The following MSI2 variants were observed in gnomAD, a reference collection of about 807,000 sequenced individuals.
MSI2 encodes the protein musashi RNA binding protein 2.
A neutral mutation model predicts 45.6 loss-of-function variants in MSI2; 17 were observed. That is an observed-to-expected ratio of 0.37 (90% CI 0.26 to 0.56). The LOEUF (loss-of-function observed/expected upper bound fraction) is 0.56, where lower values mean the gene tolerates loss of function less well. Ranked by LOEUF, MSI2 falls within the 20% of genes least tolerant of loss-of-function variation. MSI2 has a pLI of 0.77. For synonymous variants in MSI2, 156 were observed against 158.2 expected, an observed-to-expected ratio of 0.99 and a Z score of 0.11; for missense variants, 293 against 444.2, an observed-to-expected ratio of 0.66 and a Z score of 3.06.
At chr17:57,662,508 G>T (rs748172757) in intron 11 of MSI2, among the ~76,000 whole-genome samples, 12 of 152,180 alleles carry the variant, frequency 7.9e-5, no homozygotes, top group African/African-American at 2.9e-4. Flanking sequence ...CCATTTTAAA[G>T]ATTTAAAAAC....
At chr17:57,527,271 ACCCAC>A in intron 6 of MSI2, among the ~76,000 whole-genome samples, 1 of 132,302 alleles carries the variant, frequency 7.6e-6, no homozygotes, top group East Asian at 2.4e-4. Flanking sequence ...TCCCCCACCC[ACCCAC>A]CCACACCCCA....
chr17:57,545,513 G>C (rs1044356106), intron 7 of MSI2, among the ~76,000 whole-genome samples: 4 of 151,776 alleles, frequency 2.6e-5, no homozygotes, highest in Non-Finnish European at 5.9e-5. Context: ...GCAGCCGACT[G>C]CCCAAAGATG....
chr17:57,509,683 A>G (rs2086309963), intron 6 of MSI2, among the ~76,000 whole-genome samples: 2 of 152,046 alleles, frequency 1.3e-5, no homozygotes, highest in East Asian at 3.9e-4. Context: ...GGCCTCCCAA[A>G]GTGCTGGGAT....
At chr17:57,288,659 A>T (rs962249576) in intron 5 of MSI2, among the ~76,000 whole-genome samples, 1 of 152,124 alleles carries the variant, frequency 6.6e-6, no homozygotes, top group Non-Finnish European at 1.5e-5. Context: ...TTGGTTTCTA[A>T]TTCCTGCTTG....
intron 5 of MSI2, chr17:57,294,802 T>C (rs1275462936): frequency 1.3e-5 from 2 of 152,354 alleles, no homozygotes; most frequent in African/African-American, 2.4e-5. Flanking sequence ...AATTAGCATT[T>C]AGTAATGTGG....
chr17:57,497,259 G>A (rs570600565), intron 6 of MSI2, among the ~76,000 whole-genome samples: 1 of 152,362 alleles, frequency 6.6e-6, no homozygotes, highest in African/African-American at 2.4e-5. Flanking sequence ...TTACAGGCAT[G>A]AGCCACTGCA....
At chr17:57,405,029 A>T (rs1400155912) in intron 6 of MSI2, among the ~76,000 whole-genome samples, 2 of 152,002 alleles carry the variant, frequency 1.3e-5, no homozygotes, top group African/African-American at 4.8e-5. Flanking sequence ...AGGGGTGAAG[A>T]TGGCATTCCC....
chr17:57,454,438 C>CTTTTTTTTTTTTT (rs35707042), intron 6 of MSI2, among the ~76,000 whole-genome samples: 1 of 130,136 alleles, frequency 7.7e-6, no homozygotes. Context: ...TTTTCTCTTT[C>CTTTTTTTTTTTTT]TTTTTTTTTT....
intron 7 of MSI2, among the ~76,000 whole-genome samples, chr17:57,577,374 C>T (rs2088077978): frequency 6.6e-6 from 1 of 152,134 alleles, no homozygotes; most frequent in South Asian, 2.1e-4. Flanking sequence ...CTTTGCAAAC[C>T]ACTGGTGGGT....
intron 5 of MSI2, among the ~76,000 whole-genome samples, chr17:57,299,636 A>C (rs1027144044): frequency 1.3e-5 from 2 of 152,098 alleles, no homozygotes; most frequent in Non-Finnish European, 2.9e-5. Flanking sequence ...ATTTATCTTA[A>C]TATTTATTAA....
chr17:57,459,396 A>C (rs1342566060), intron 6 of MSI2, among the ~76,000 whole-genome samples: 1 of 152,192 alleles, frequency 6.6e-6, no homozygotes, highest in African/African-American at 2.4e-5. Context: ...GCCTGGAGAC[A>C]GGAAGGGAGA....
chr17:57,450,670 CAAAAAAAAAAAAAAA>C (rs58773765), intron 6 of MSI2, among the ~76,000 whole-genome samples: 5 of 31,942 alleles, frequency 1.6e-4, no homozygotes, highest in Admixed American at 1.0e-3. Flanking sequence ...GACTGCATCT[CAAAAAAAAAAAAAAA>C]AAAAAAAAAA....
At chr17:57,358,225 G>A (rs1233619608) in intron 5 of MSI2, among the ~76,000 whole-genome samples, 2 of 152,056 alleles carry the variant, frequency 1.3e-5, no homozygotes, top group Non-Finnish European at 2.9e-5. Context: ...GTGTGTGTGT[G>A]TGTTTATGGA....
intron 5 of MSI2, among the ~76,000 whole-genome samples, chr17:57,274,078 C>T (rs1251501935): frequency 6.6e-6 from 1 of 152,118 alleles, no homozygotes; most frequent in African/African-American, 2.4e-5. Flanking sequence ...TAGAAGAATT[C>T]GTTCACAATA....
At chr17:57,630,435 T>G (rs1255488325) in intron 10 of MSI2, 1 of 152,224 alleles carries the variant, frequency 6.6e-6, no homozygotes, top group Non-Finnish European at 1.5e-5. Context: ...TATGGAAGCC[T>G]CTTGATTCTC....
At chr17:57,697,883 AT>A in the MSI2 span, among the ~76,000 whole-genome samples, 1 of 152,110 alleles carries the variant, frequency 6.6e-6, no homozygotes, top group Non-Finnish European at 1.5e-5. Context: ...TCAATATGAG[AT>A]TTGGGTGGGG....
intron 7 of MSI2, among the ~76,000 whole-genome samples, chr17:57,534,522 G>T (rs146435765): frequency 0.032 from 4,928 of 152,194 alleles, 261 homozygotes; most frequent in African/African-American, 0.11. Context: ...GACCAGCCTG[G>T]CCAACATGGT....
At chr17:57,302,941 G>A (rs934548861) in intron 5 of MSI2, among the ~76,000 whole-genome samples, 10 of 152,180 alleles carry the variant, frequency 6.6e-5, no homozygotes, top group Non-Finnish European at 1.5e-4. Flanking sequence ...AAACCCCAAG[G>A]TAGAAACTGG....
chr17:57,451,185 C>G (rs1473075121), intron 6 of MSI2, among the ~76,000 whole-genome samples: 4 of 152,168 alleles, frequency 2.6e-5, no homozygotes, highest in Non-Finnish European at 4.4e-5. Flanking sequence ...TGGACCCTGA[C>G]ACCTCTCTGA....
Sources: gnomAD v4.1 joint callset for allele counts (sites outside exome capture counted in the v4.1 genomes callset) on GRCh38, gnomAD v4.1.1 for gene constraint, MANE v1.5 for transcripts, NCBI Gene and HGNC (gene_info 2026-07-23, HGNC 2026-07-21) for gene names.